Variants in MYO16 observed in about 807,000 individuals in gnomAD.
MYO16 encodes the protein myosin XVI.
In MYO16, 94 loss-of-function variants were observed where a neutral mutation model predicts 205.3. The ratio of observed to expected loss-of-function variants is 0.46; its 90% CI spans 0.39 to 0.54. The LOEUF (loss-of-function observed/expected upper bound fraction) is 0.54, where lower values mean the gene tolerates loss of function less well. Among genes scored for constraint, MYO16 ranks in the 20% least tolerant of loss-of-function variants. MYO16 has a pLI of 0.00. For missense variants in MYO16, 2,315 were observed against 2,387.5 expected, an observed-to-expected ratio of 0.97 and a Z score of 0.63; for synonymous variants, 988 against 954.0, an observed-to-expected ratio of 1.04 and a Z score of -0.66.
At chr13:108,846,240 G>C (rs1347475576) in intron 10 of MYO16, among the ~76,000 whole-genome samples, 6 of 151,958 alleles carry the variant, frequency 3.9e-5, no homozygotes, top group Non-Finnish European at 8.8e-5. Context: ...TTAAAAGTTT[G>C]GTTTTTGTTT....
intron 23 of MYO16, among the ~76,000 whole-genome samples, chr13:109,044,123 A>G (rs1886966546): frequency 6.7e-6 from 1 of 149,050 alleles, no homozygotes; most frequent in Non-Finnish European, 1.5e-5. Context: ...ACAATTAGGA[A>G]TGACTGACTA....
chr13:108,993,406 A>C (rs949886674), intron 21 of MYO16, among the ~76,000 whole-genome samples: 1 of 152,162 alleles, frequency 6.6e-6, no homozygotes, highest in South Asian at 2.1e-4. Flanking sequence ...CTCATACTGT[A>C]TATGATTAAG....
the MYO16 span, among the ~76,000 whole-genome samples, chr13:108,567,044 G>T: frequency 6.6e-6 from 1 of 152,126 alleles, no homozygotes; most frequent in Non-Finnish European, 1.5e-5. Flanking sequence ...TCTTGTAGGA[G>T]GTGAAGATGT....
chr13:108,756,320 A>G (rs1197467361), intron 4 of MYO16, among the ~76,000 whole-genome samples: 1 of 152,266 alleles, frequency 6.6e-6, no homozygotes, highest in South Asian at 2.1e-4. Flanking sequence ...TTATATATGT[A>G]TGAGAAATGT....
At chr13:109,023,186 A>T (rs1223851756) in intron 23 of MYO16, among the ~76,000 whole-genome samples, 2 of 126,638 alleles carry the variant, frequency 1.6e-5, no homozygotes, top group African/African-American at 5.9e-5. Context: ...GTATATATTT[A>T]TATATTATAT....
chr13:108,973,025 G>A (rs1446747491), intron 20 of MYO16, among the ~76,000 whole-genome samples: 2 of 152,078 alleles, frequency 1.3e-5, no homozygotes, highest in African/African-American at 4.8e-5. Flanking sequence ...GGGATCCCAT[G>A]GAGCATCTGG....
intron 3 of MYO16, among the ~76,000 whole-genome samples, chr13:108,714,356 T>G (rs1042459480): frequency 6.6e-6 from 1 of 152,128 alleles, no homozygotes; most frequent in Non-Finnish European, 1.5e-5. Flanking sequence ...TGCCCGCCCA[T>G]AAGCCTGTTT....
At chr13:109,131,393 A>G (rs1594111284) in intron 31 of MYO16, among the ~76,000 whole-genome samples, 1 of 152,202 alleles carries the variant, frequency 6.6e-6, no homozygotes, top group African/African-American at 2.4e-5. Flanking sequence ...CCCAATAAAA[A>G]TGGTTGTGGT....
chr13:108,701,283 C>T (rs1277780142), intron 2 of MYO16, among the ~76,000 whole-genome samples: 1 of 152,028 alleles, frequency 6.6e-6, no homozygotes, highest in Non-Finnish European at 1.5e-5. Flanking sequence ...ATGTTTGTCA[C>T]CCCCCTGCAA....
At chr13:109,027,731 C>A (rs1024798736) in intron 23 of MYO16, among the ~76,000 whole-genome samples, 59 of 152,248 alleles carry the variant, frequency 3.9e-4, no homozygotes, top group African/African-American at 1.1e-3. Flanking sequence ...GCAATAAATG[C>A]AGATACAATT....
At chr13:108,585,118 T>C in the MYO16 span, among the ~76,000 whole-genome samples, 1 of 152,186 alleles carries the variant, frequency 6.6e-6, no homozygotes, top group African/African-American at 2.4e-5. Context: ...AGTCAAACTC[T>C]GTAAAATATT....
intron 4 of MYO16, among the ~76,000 whole-genome samples, chr13:108,742,113 T>C (rs1411426735): frequency 6.6e-6 from 1 of 152,130 alleles, no homozygotes; most frequent in African/African-American, 2.4e-5. Context: ...GGGTCTCAGC[T>C]GCCTGAAGAG....
At chr13:108,724,214 A>G (rs577951239) in intron 3 of MYO16, among the ~76,000 whole-genome samples, 1 of 152,206 alleles carries the variant, frequency 6.6e-6, no homozygotes, top group Non-Finnish European at 1.5e-5. Context: ...ATATTCCATT[A>G]TATTTTCTAC....
chr13:109,028,465 A>T (rs1886436215), intron 23 of MYO16: 7 of 246,176 alleles, frequency 2.8e-5, no homozygotes, highest in Middle Eastern at 5.2e-4. Flanking sequence ...TTGTAAAAAA[A>T]ATATATATTC....
At chr13:109,122,620 G>A (rs1438739563) in intron 29 of MYO16, among the ~76,000 whole-genome samples, 1 of 151,350 alleles carries the variant, frequency 6.6e-6, no homozygotes, top group Admixed American at 6.6e-5. Flanking sequence ...AGAGGTTGCG[G>A]TGAGCCAAGA....
intron 1 of MYO16, among the ~76,000 whole-genome samples, chr13:108,610,830 A>G (rs1158774793): frequency 6.6e-6 from 1 of 152,178 alleles, no homozygotes; most frequent in East Asian, 1.9e-4. Flanking sequence ...ATGGTTGAAA[A>G]GAAAAAAAAG....
chr13:108,751,696 C>T (rs1288334102), intron 4 of MYO16, among the ~76,000 whole-genome samples: 2 of 152,134 alleles, frequency 1.3e-5, no homozygotes, highest in Non-Finnish European at 2.9e-5. Context: ...CGATATTACA[C>T]ACCCTTCATG....
At chr13:108,650,714 T>A (rs1454940482) in intron 1 of MYO16, among the ~76,000 whole-genome samples, 1 of 152,188 alleles carries the variant, frequency 6.6e-6, no homozygotes, top group Non-Finnish European at 1.5e-5. Flanking sequence ...CAAAGCATCA[T>A]CCTCTCTTGG....
intron 2 of MYO16, among the ~76,000 whole-genome samples, chr13:108,667,465 G>C (rs1383446375): frequency 6.6e-6 from 1 of 152,014 alleles, no homozygotes; most frequent in Non-Finnish European, 1.5e-5. Context: ...TTTCTGGAAA[G>C]CTGTCTGGAG....
Sources: allele counts gnomAD v4.1 joint callset (sites outside exome capture counted in the v4.1 genomes callset), GRCh38; gene constraint gnomAD v4.1.1; transcripts MANE v1.5; gene names NCBI Gene and HGNC (gene_info 2026-07-23, HGNC 2026-07-21).